Variants in FOCAD observed in about 807,000 individuals in gnomAD.
FOCAD encodes the protein focadhesin.
In FOCAD, 198 loss-of-function variants were observed where a neutral mutation model predicts 225.6. The observed-to-expected ratio is 0.88, with a 90% CI of 0.78 to 0.99. The LOEUF (loss-of-function observed/expected upper bound fraction) is 0.99. Ranked by LOEUF, FOCAD falls within the 50% of genes least tolerant of loss-of-function variation. The pLI, the probability that FOCAD is intolerant of heterozygous loss-of-function variation, is 0.00. For synonymous variants in FOCAD, 897 were observed against 755.0 expected, an observed-to-expected ratio of 1.19 and a Z score of -3.08; for missense variants, 2,713 against 2,123.6, an observed-to-expected ratio of 1.28 and a Z score of -5.46.
In FOCAD at chr9:20,778,919, A is replaced by G. The variant is rs1378071141; in HGVS notation, c.994+151A>G. 5 of 507,318 alleles carry G rather than the reference A, an allele frequency of 9.9e-6. No homozygotes were observed. In the East Asian group the frequency reaches 1.5e-4, roughly 15 times the overall value. 31.4% of individuals were successfully genotyped at this position (507,318 alleles called of 1,614,324 possible). On this transcript the variant is annotated intron_variant, in intron 9 of 43. Coordinates refer to ENST00000338382, the MANE Select transcript of FOCAD (RefSeq NM_001375567.1). ...TAAATAGAATTTTTTTTCTTGTCTA[A>G]TAAGTTGTTACCTTGTGCAAGTTTT...
At chr9:20,957,550 C>G (rs993175869) in intron 35 of FOCAD, 1 of 134,876 alleles carries the variant, frequency 7.4e-6, no homozygotes, top group African/African-American at 2.8e-5. Flanking sequence ...TCTCGGCTCA[C>G]TGCAACCTCT....
intron 21 of FOCAD, among the ~76,000 whole-genome samples, chr9:20,891,856 C>A (rs2383159): frequency 0.56 from 84,898 of 152,008 alleles, 24,054 homozygotes; most frequent in East Asian, 0.66. Context: ...TGTCTATTGG[C>A]AGAAGATGCC....
At chr9:20,884,065 G>A (rs906684220) in intron 20 of FOCAD, among the ~76,000 whole-genome samples, 5 of 152,100 alleles carry the variant, frequency 3.3e-5, no homozygotes, top group Admixed American at 2.0e-4. Flanking sequence ...TAAACTAAAG[G>A]GACCCATGTT....
intron 6 of FOCAD, among the ~76,000 whole-genome samples, chr9:20,764,291 G>C (rs1172867171): frequency 6.6e-6 from 1 of 152,124 alleles, no homozygotes; most frequent in African/African-American, 2.4e-5. Flanking sequence ...GTCTCGCTCT[G>C]TTGCCAGGCT....
intron 35 of FOCAD, among the ~76,000 whole-genome samples, chr9:20,971,081 T>C (rs1017102514): frequency 8.5e-5 from 13 of 152,106 alleles, no homozygotes; most frequent in Non-Finnish European, 1.6e-4. Context: ...TCTGTCTTCT[T>C]TCTCTCTGAA....
intron 21 of FOCAD, among the ~76,000 whole-genome samples, chr9:20,885,759 C>T (rs1831054648): frequency 6.6e-6 from 1 of 151,946 alleles, no homozygotes; most frequent in East Asian, 1.9e-4. Context: ...ATGGCAAAAC[C>T]AGGGGAAGAG....
At chr9:20,756,466 A>G (rs1387178794) in intron 5 of FOCAD, among the ~76,000 whole-genome samples, 3 of 152,220 alleles carry the variant, frequency 2.0e-5, no homozygotes, top group East Asian at 3.8e-4. Flanking sequence ...TTTTACTTGT[A>G]GCAGTTCTGA....
chr9:20,841,396 C>G, intron 15 of FOCAD, among the ~76,000 whole-genome samples: 1 of 144,688 alleles, frequency 6.9e-6, no homozygotes, highest in East Asian at 2.0e-4. Context: ...AGTTTCTGGG[C>G]TTTTTTTTTT....
intron 19 of FOCAD, among the ~76,000 whole-genome samples, chr9:20,878,992 G>A (rs1186006530): frequency 3.3e-5 from 5 of 152,122 alleles, no homozygotes; most frequent in Non-Finnish European, 5.9e-5. Context: ...CTGGGTCTCT[G>A]GACAATTGGA....
chr9:20,901,011 CT>C (rs1349527076), intron 21 of FOCAD, among the ~76,000 whole-genome samples: 1 of 151,844 alleles, frequency 6.6e-6, no homozygotes, highest in Non-Finnish European at 1.5e-5. Context: ...CCTCCCTTCT[CT>C]TCTTCTCACT....
chr9:20,939,746 T>A (rs1019427617), intron 28 of FOCAD, among the ~76,000 whole-genome samples: 3 of 151,130 alleles, frequency 2.0e-5, no homozygotes, highest in South Asian at 2.1e-4. Flanking sequence ...TATTTTATTT[T>A]TTTTCTTTCT....
intron 11 of FOCAD, among the ~76,000 whole-genome samples, chr9:20,808,506 A>G (rs1822706475): frequency 1.3e-5 from 2 of 152,228 alleles, no homozygotes; most frequent in Non-Finnish European, 2.9e-5. Context: ...AGAAAGGGGC[A>G]GACAATTACC....
chr9:20,941,952 A>T (rs549810309), intron 28 of FOCAD, among the ~76,000 whole-genome samples: 1 of 152,346 alleles, frequency 6.6e-6, no homozygotes, highest in East Asian at 1.9e-4. Context: ...ACATTTTAAG[A>T]CTTAGAACAA....
At chr9:20,955,594 G>C (rs1284753295) in intron 35 of FOCAD, among the ~76,000 whole-genome samples, 1 of 149,044 alleles carries the variant, frequency 6.7e-6, no homozygotes, top group African/African-American at 2.5e-5. Context: ...TCCTCTATCA[G>C]ATATATTGTT....
rs1364419719 is a variant in FOCAD at position 20,693,422 on chromosome 9, GCA to G, written c.-33+9131_-33+9132del. Among the ~76,000 whole-genome samples the G allele has an allele frequency of 5.3e-5, 8 of 152,206 alleles. No individual in the cohort carries two copies. The South Asian group carries it at 1.7e-3, about 32-fold the overall frequency. ...CCACTCTGGTTTACTTTTATCCATAGCACTTATCTTCAGAAATGCTATGTAAT... is the reference window on the plus strand; with the variant it reads ...CCACTCTGGTTTACTTTTATCCATAGCTTATCTTCAGAAATGCTATGTAAT... On this transcript the variant is annotated intron_variant, in intron 1 of 43. Coordinates refer to ENST00000338382, the MANE Select transcript of FOCAD (RefSeq NM_001375567.1).
intron 15 of FOCAD, among the ~76,000 whole-genome samples, chr9:20,844,470 C>A (rs895715915): frequency 1.8e-4 from 25 of 142,336 alleles, no homozygotes; most frequent in African/African-American, 6.0e-4. Context: ...AAGCGATTCT[C>A]CTGCCTCAGC....
intron 41 of FOCAD, among the ~76,000 whole-genome samples, chr9:20,988,831 C>T (rs1237555663): frequency 2.0e-5 from 3 of 152,108 alleles, no homozygotes; most frequent in Non-Finnish European, 4.4e-5. Context: ...AGGGCTCTGG[C>T]CTCCACACTG....
chr9:20,786,968 AT>A, intron 10 of FOCAD: 1 of 477,158 alleles, frequency 2.1e-6, no homozygotes, highest in Non-Finnish European at 4.2e-6. Context: ...TGGGGCCAGG[AT>A]TTGGTAGCTG....
chr9:20,951,246 G>A (rs1203591649), intron 34 of FOCAD, 148 bp downstream of exon 34: 2 of 640,242 alleles, frequency 3.1e-6, no homozygotes, highest in Admixed American at 2.7e-5. Flanking sequence ...AATGGTGTAT[G>A]GAAAGGCTTC....
Sources: gnomAD v4.1 joint callset for allele counts (sites outside exome capture counted in the v4.1 genomes callset) on GRCh38, gnomAD v4.1.1 for gene constraint, MANE v1.5 for transcripts, NCBI Gene and HGNC (gene_info 2026-07-23, HGNC 2026-07-21) for gene names.